The following CELSR1 variants were observed in gnomAD, a reference collection of about 807,000 sequenced individuals.
CELSR1 encodes the protein adhesion G protein-coupled receptor C1.
A neutral mutation model predicts 249.1 loss-of-function variants in CELSR1; 110 were observed. The observed-to-expected ratio is 0.44, with a 90% CI of 0.38 to 0.52. CELSR1 has a LOEUF of 0.52. CELSR1 is among the 20% of genes least tolerant of loss of function. The probability of loss-of-function intolerance (pLI) is 0.00; values close to 1 mark genes in which losing one functional copy is unlikely to be tolerated. For synonymous variants in CELSR1, 2,113 were observed against 1,900.0 expected (o/e 1.11, Z -2.92); for missense variants, 4,109 against 4,296.4 (o/e 0.96, Z 1.22).
At chr22:46,520,038 A>T (rs1282962648) in intron 1 of CELSR1, among the ~76,000 whole-genome samples, 1 of 151,950 alleles carries the variant, frequency 6.6e-6, no homozygotes, top group Non-Finnish European at 1.5e-5. Context: ...CATCCAGCTA[A>T]TTTTTGTATT....
chr22:46,459,760 G>A (rs2079999247), intron 2 of CELSR1, among the ~76,000 whole-genome samples: 1 of 152,230 alleles, frequency 6.6e-6, no homozygotes, highest in Non-Finnish European at 1.5e-5. Context: ...CCCTAGTGGA[G>A]AACCACTGGG....
rs531167121 is a variant in CELSR1, at chr22:46,375,764, G to A, written c.7584+1297C>T. ...TCACCATGTTGGCCAGGTTGGCCTC[G>A]AACTCCTTGACCTCAAGTGATCTGC... On this transcript the variant is annotated intron_variant, in intron 24 of 34. Coordinates refer to ENST00000674500, the MANE Select transcript of CELSR1 (RefSeq NM_001378328.1). 8.5e-5 allele frequency among the ~76,000 whole-genome samples: 13 copies of A among 152,156 alleles called. No homozygotes were observed. In the South Asian group the frequency reaches 1.0e-3, roughly 12 times the overall value.
At chr22:46,449,210 C>T (rs1302149401) in intron 2 of CELSR1, among the ~76,000 whole-genome samples, 4 of 151,722 alleles carry the variant, frequency 2.6e-5, no homozygotes, top group Non-Finnish European at 5.9e-5. Context: ...TCCATCCATC[C>T]GACCACCCAT....
chr22:46,483,796 T>C (rs908147606), intron 1 of CELSR1, among the ~76,000 whole-genome samples: 2 of 152,132 alleles, frequency 1.3e-5, no homozygotes, highest in South Asian at 2.1e-4. Flanking sequence ...CCTGCCAAGG[T>C]AGAGTGAGGC....
intron 5 of CELSR1, among the ~76,000 whole-genome samples, chr22:46,422,163 T>TG (rs984717292): frequency 6.6e-6 from 1 of 152,148 alleles, no homozygotes; most frequent in African/African-American, 2.4e-5. Context: ...TAGAGTGCAG[T>TG]GGCACGGTCT....
At position 46,526,927 on chromosome 22, in the gene CELSR1, C is replaced by T. The variant is rs181099514; in HGVS notation, c.3544+6700G>A. ...ACGTCTTCTCACCAAAGCCGATTCC[C>T]GGTAAGGACTCTGGCTCAGGGAACG... On this transcript the variant is annotated intron_variant, in intron 1 of 34. Coordinates refer to ENST00000674500, the MANE Select transcript of CELSR1 (RefSeq NM_001378328.1). This position sits in a 1 kb window ranked among gnomAD's most constrained non-coding sequence, Gnocchi z 4.7. Among the ~76,000 whole-genome samples the T allele has an allele frequency of 5.3e-5, 8 of 152,302 alleles. No homozygotes were observed. Among genetic ancestry groups the T allele is most frequent in the Admixed American group, 3.9e-4 (6 of 15,304 alleles).
Position 46,399,531 on chromosome 22 carries a change from G to T in CELSR1, c.5412+186C>A, listed in dbSNP as rs547155686. ...GCCGGGGGCGGGGCATCCGGATGAAGGAGGTGAGGAAGATGCCAGTGACCT... is the reference window on the plus strand; with the variant it reads ...GCCGGGGGCGGGGCATCCGGATGAATGAGGTGAGGAAGATGCCAGTGACCT... On this transcript the variant is annotated intron_variant, in intron 10 of 34. Coordinates refer to ENST00000674500, the MANE Select transcript of CELSR1 (RefSeq NM_001378328.1). The surrounding 1 kb of genome is among the most constrained non-coding windows in gnomAD (Gnocchi z 5.0). 6.6e-6 allele frequency among the ~76,000 whole-genome samples: 1 copy of T among 152,238 alleles called. No individual in the cohort carries two copies. Among genetic ancestry groups the T allele is most frequent in the Non-Finnish European group, 1.5e-5 (1 of 68,038 alleles).
chr22:46,366,941 C>T (rs1009137468), intron 29 of CELSR1, 52 bp downstream of exon 29: 2 of 1,570,620 alleles, frequency 1.3e-6, no homozygotes, highest in East Asian at 2.3e-5. Flanking sequence ...CTCCCCCGCC[C>T]CTCGAGATGC....
chr22:46,453,120 G>A (rs1331640003), intron 2 of CELSR1, among the ~76,000 whole-genome samples: 1 of 152,230 alleles, frequency 6.6e-6, no homozygotes, highest in East Asian at 1.9e-4. Flanking sequence ...GGGCCTGGAT[G>A]TGGGGCCAGG....
In CELSR1 at chr22:46,363,894, G is replaced by C. The variant is rs1025642943; in HGVS notation, c.9035+102C>G. The C allele has an allele frequency of 2.1e-6, 3 of 1,400,882 alleles. No homozygotes were observed. Among genetic ancestry groups the C allele is most frequent in the Non-Finnish European group, 2.8e-6 (3 of 1,065,342 alleles). The allele number at this position is 1,400,882 out of a possible 1,614,324, so 86.8% of individuals were successfully genotyped here. Reference sequence around the variant, plus strand: ...GGCTTCCTCTGCACTCAGGGCTCCAGGTGAGGTGGGTGTCAGGTCCCTGAC... The same window carrying C: ...GGCTTCCTCTGCACTCAGGGCTCCACGTGAGGTGGGTGTCAGGTCCCTGAC... On this transcript the variant is annotated intron_variant, in intron 34 of 34. Transcript: ENST00000674500. This position sits in a 1 kb window ranked among gnomAD's most constrained non-coding sequence, Gnocchi z 4.3.
chr22:46,438,964 A>T (rs1244177657), intron 3 of CELSR1, among the ~76,000 whole-genome samples: 1 of 152,042 alleles, frequency 6.6e-6, no homozygotes, highest in African/African-American at 2.4e-5. Context: ...TGCCATGTTG[A>T]CTAGGCTGGT....
At chr22:46,521,454 G>A (rs549147871) in intron 1 of CELSR1, among the ~76,000 whole-genome samples, 11 of 149,716 alleles carry the variant, frequency 7.3e-5, no homozygotes, top group South Asian at 4.3e-4. Flanking sequence ...GCAGTGAGCC[G>A]AGATCGCGCC....
In CELSR1 at chr22:46,390,338, A is replaced by G. The variant is rs2079075880; in HGVS notation, c.6345+54T>C. Reference sequence around the variant, plus strand: ...TCGGCCCACACAAACTCTCTCACGCATACACGAACACACACGTGCCCCTGC... The same window carrying G: ...TCGGCCCACACAAACTCTCTCACGCGTACACGAACACACACGTGCCCCTGC... On this transcript the variant is annotated intron_variant, in intron 17 of 34. Transcript: ENST00000674500. This position sits in a 1 kb window ranked among gnomAD's most constrained non-coding sequence, Gnocchi z 6.3. 1.4e-6 allele frequency: 2 copies of G among 1,412,930 alleles called. No homozygotes were observed. Among genetic ancestry groups the G allele is most frequent in the Admixed American group, 1.9e-5 (1 of 52,026 alleles). 87.5% of individuals were successfully genotyped at this position (1,412,930 alleles called of 1,614,324 possible). A position where few individuals can be genotyped will look rare whatever the true frequency, so the allele number is the denominator to read the frequency against.
At chr22:46,392,504 GGC>G (rs1258874166) in intron 14 of CELSR1, among the ~76,000 whole-genome samples, 2 of 152,252 alleles carry the variant, frequency 1.3e-5, no homozygotes, top group Non-Finnish European at 2.9e-5. Context: ...ACAGCTGGGA[GGC>G]GCATGGGGTG....
At position 46,473,228 on chromosome 22, in the gene CELSR1, C is replaced by G. The variant is rs2080174003; in HGVS notation, c.3545-8883G>C. ...CTTGACAGGTGAGGACACCAAGGCA[C>G]AAAGAAGCTGAATGTGCCTGGTAAG... On this transcript the variant is annotated intron_variant, in intron 1 of 34. Transcript: ENST00000674500. This position sits in a 1 kb window ranked among gnomAD's most constrained non-coding sequence, Gnocchi z 6.6. Among the ~76,000 whole-genome samples, 1 of 152,094 alleles carries G rather than the reference C, an allele frequency of 6.6e-6. No individual in the cohort carries two copies. The highest frequency in any genetic ancestry group is 6.6e-5 in the Admixed American group (1 of 15,254).
chr22:46,472,334 A>G lies in CELSR1; in HGVS notation c.3545-7989T>C, dbSNP rs938588642. On this transcript the variant is annotated intron_variant, in intron 1 of 34. Coordinates refer to ENST00000674500, the MANE Select transcript of CELSR1 (RefSeq NM_001378328.1). This position sits in a 1 kb window ranked among gnomAD's most constrained non-coding sequence, Gnocchi z 7.0. ...AAGGTTATCTGCAATTGTGTTCCCC[A>G]TGGTGGGCTCATGCTGTGGGGCAGT... Among the ~76,000 whole-genome samples the G allele has an allele frequency of 2.6e-5, 4 of 152,168 alleles. No homozygotes were observed. The highest frequency in any genetic ancestry group is 7.2e-5 in the African/African-American group (3 of 41,434).
In CELSR1 at chr22:46,423,873, G is replaced by A. The variant is rs2079507631; in HGVS notation, c.4611+9520C>T. ...ACCTGTAATCCCAGCTACTTGGGAGGCTGAGGGCAGGAGAATGGCTTGAAC... is the reference window on the plus strand; with the variant it reads ...ACCTGTAATCCCAGCTACTTGGGAGACTGAGGGCAGGAGAATGGCTTGAAC... On this transcript the variant is annotated intron_variant, in intron 5 of 34. Transcript: ENST00000674500. This position sits in a 1 kb window ranked among gnomAD's most constrained non-coding sequence, Gnocchi z 5.6. Among the ~76,000 whole-genome samples, 2 of 152,012 alleles carry A rather than the reference G, an allele frequency of 1.3e-5. No homozygotes were observed. Among genetic ancestry groups the A allele is most frequent in the African/African-American group, 4.8e-5 (2 of 41,392 alleles).
rs2080164258 is a variant in CELSR1, at chr22:46,472,335, T to A, written c.3545-7990A>T. ...AGGTTATCTGCAATTGTGTTCCCCA[T>A]GGTGGGCTCATGCTGTGGGGCAGTG... On this transcript the variant is annotated intron_variant, in intron 1 of 34. Coordinates refer to ENST00000674500, the MANE Select transcript of CELSR1 (RefSeq NM_001378328.1). This position sits in a 1 kb window ranked among gnomAD's most constrained non-coding sequence, Gnocchi z 7.0. 6.6e-6 allele frequency among the ~76,000 whole-genome samples: 1 copy of A among 152,186 alleles called. No individual in the cohort carries two copies.
intron 1 of CELSR1, among the ~76,000 whole-genome samples, chr22:46,504,512 A>AG (rs1426329321): frequency 1.1e-5 from 1 of 90,736 alleles, no homozygotes; most frequent in Non-Finnish European, 2.7e-5. Context: ...TCCAAAAAAA[A>AG]AAAAAAAACA....
Sources: allele counts gnomAD v4.1 joint callset (sites outside exome capture counted in the v4.1 genomes callset), GRCh38; gene constraint gnomAD v4.1.1; non-coding constraint Gnocchi (gnomAD v3.1); transcripts MANE v1.5; gene names NCBI Gene and HGNC (gene_info 2026-07-23, HGNC 2026-07-21).